The following LUZP2 variants were observed in gnomAD, a reference collection of about 807,000 sequenced individuals.
The protein encoded by LUZP2 is leucine zipper protein 2.
Under a neutral mutation model 51.6 loss-of-function variants are expected in LUZP2, and 52 were observed. That is an observed-to-expected ratio of 1.01 (90% confidence interval 0.81 to 1.27). The LOEUF (loss-of-function observed/expected upper bound fraction) is 1.27, where lower values mean the gene tolerates loss of function less well. LUZP2 is among the 50% of genes most tolerant of loss of function. The pLI is 0.00. For missense variants in LUZP2, 436 were observed against 395.4 expected (o/e 1.10, Z -0.87); for synonymous variants, 154 against 137.3 (o/e 1.12, Z -0.85).
intron 7 of LUZP2, among the ~76,000 whole-genome samples, chr11:24,919,672 A>G (rs1853961786): frequency 6.7e-6 from 1 of 149,544 alleles, no homozygotes; most frequent in African/African-American, 2.4e-5. Context: ...ATACATATAT[A>G]TATAATGATT....
intron 5 of LUZP2, among the ~76,000 whole-genome samples, chr11:24,887,407 A>G (rs1301278234): frequency 2.0e-5 from 3 of 152,184 alleles, no homozygotes; most frequent in Non-Finnish European, 2.9e-5. Context: ...TAATATATAT[A>G]CAAGCACGTG....
At position 24,794,912 on chromosome 11, in the gene LUZP2, T is replaced by C. The variant is rs1346094492; in HGVS notation, c.396+31604T>C. Among the ~76,000 whole-genome samples, 3 of 152,156 alleles carry C rather than the reference T, an allele frequency of 2.0e-5. No individual in the cohort carries two copies. In the East Asian group the frequency reaches 5.8e-4, roughly 29 times the overall value. ...ATTTTAAGAATTATAGGATTTCATG[T>C]GTAAGTGAATTTGAGATCATTTGGC... On this transcript the variant is annotated intron_variant, in intron 5 of 11. Transcript: ENST00000336930.
intron 5 of LUZP2, among the ~76,000 whole-genome samples, chr11:24,856,554 C>A (rs912416349): frequency 6.6e-6 from 1 of 151,932 alleles, no homozygotes; most frequent in Non-Finnish European, 1.5e-5. Context: ...AATTATCATT[C>A]GATCCAGGTA....
chr11:24,935,650 C>T (rs981843739), intron 7 of LUZP2, among the ~76,000 whole-genome samples: 1 of 151,890 alleles, frequency 6.6e-6, no homozygotes, highest in South Asian at 2.1e-4. Context: ...TCTTCTAAAA[C>T]AATTTCATTA....
At chr11:24,818,095 A>G (rs970308675) in intron 5 of LUZP2, among the ~76,000 whole-genome samples, 29 of 152,058 alleles carry the variant, frequency 1.9e-4, no homozygotes, top group African/African-American at 7.0e-4. Context: ...GATTTTTTTA[A>G]AAACAACTTT....
At chr11:24,909,500 GA>G (rs1269298466) in intron 6 of LUZP2, among the ~76,000 whole-genome samples, 94 of 137,160 alleles carry the variant, frequency 6.9e-4, no homozygotes, top group East Asian at 1.9e-3. Flanking sequence ...TATTTTGAGG[GA>G]AAAAAAAAAA....
At chr11:25,002,237 A>G (rs1017495891) in intron 9 of LUZP2, among the ~76,000 whole-genome samples, 1 of 152,216 alleles carries the variant, frequency 6.6e-6, no homozygotes, top group Non-Finnish European at 1.5e-5. Flanking sequence ...ATCACTAACT[A>G]TGGCATAACC....
chr11:24,947,470 C>T (rs1048121708), intron 7 of LUZP2, among the ~76,000 whole-genome samples: 4 of 151,872 alleles, frequency 2.6e-5, no homozygotes, highest in African/African-American at 7.2e-5. Flanking sequence ...AAGTTCAAAC[C>T]AATGTTGTTC....
At chr11:25,003,820 A>G (rs997779471) in intron 9 of LUZP2, among the ~76,000 whole-genome samples, 2 of 152,176 alleles carry the variant, frequency 1.3e-5, no homozygotes, top group African/African-American at 4.8e-5. Context: ...ATATTCATGT[A>G]GATAATAACT....
At chr11:24,686,223 C>CAAAAAAAAAA (rs56907734) in intron 1 of LUZP2, among the ~76,000 whole-genome samples, 1 of 148,318 alleles carries the variant, frequency 6.7e-6, no homozygotes, top group Non-Finnish European at 1.5e-5. Context: ...GTGAACTCTG[C>CAAAAAAAAAA]AAAAAAAAAA....
chr11:24,707,610 G>A (rs1857640788), intron 1 of LUZP2, among the ~76,000 whole-genome samples: 1 of 152,042 alleles, frequency 6.6e-6, no homozygotes, highest in Non-Finnish European at 1.5e-5. Context: ...TGAGTCCAAA[G>A]GCAAGACAAC....
At chr11:24,513,767 A>G (rs1206519466) in intron 1 of LUZP2, among the ~76,000 whole-genome samples, 1 of 152,258 alleles carries the variant, frequency 6.6e-6, no homozygotes, top group Non-Finnish European at 1.5e-5. Context: ...AAATGCTGGT[A>G]GAAATGAATA....
At chr11:24,602,387 TACAC>T (rs71041785) in intron 1 of LUZP2, among the ~76,000 whole-genome samples, 3,088 of 129,510 alleles carry the variant, frequency 0.024, 133 homozygotes, top group African/African-American at 0.084. Context: ...TATATATATA[TACAC>T]ACACACACAC....
chr11:24,558,379 GT>G (rs5790412), intron 1 of LUZP2, among the ~76,000 whole-genome samples: 62,960 of 149,914 alleles, frequency 0.42, 13,640 homozygotes, highest in Middle Eastern at 0.52. Flanking sequence ...AATCTTTTTT[GT>G]TTTTTTTTCA....
intron 5 of LUZP2, among the ~76,000 whole-genome samples, chr11:24,787,112 T>C (rs1849270026): frequency 6.6e-6 from 1 of 152,176 alleles, no homozygotes; most frequent in Non-Finnish European, 1.5e-5. Flanking sequence ...GACCTTATTA[T>C]TTCAACAGCT....
chr11:24,690,854 G>T lies in LUZP2; in HGVS notation c.63-38315G>T, dbSNP rs527543283. Among the ~76,000 whole-genome samples the T allele has an allele frequency of 5.9e-5, 9 of 152,102 alleles. No homozygotes were observed. The East Asian group carries it at 1.2e-3, about 20-fold the overall frequency. On this transcript the variant is annotated intron_variant, in intron 1 of 11. Coordinates refer to ENST00000336930, the MANE Select transcript of LUZP2 (RefSeq NM_001009909.4). Reference sequence around the variant, plus strand: ...AGCCAAAATTTCTCATAGTGGGAGAGAAATAATTTTTGAAAGATACAGAAC... The same window carrying T: ...AGCCAAAATTTCTCATAGTGGGAGATAAATAATTTTTGAAAGATACAGAAC...
intron 1 of LUZP2, among the ~76,000 whole-genome samples, chr11:24,521,900 A>T (rs1181724842): frequency 6.6e-6 from 1 of 152,034 alleles, no homozygotes; most frequent in Non-Finnish European, 1.5e-5. Context: ...GCGAGCATGC[A>T]TTTTTTTCTT....
chr11:24,634,530 C>T (rs1855008382), intron 1 of LUZP2, among the ~76,000 whole-genome samples: 2 of 151,878 alleles, frequency 1.3e-5, no homozygotes, highest in Admixed American at 1.3e-4. Context: ...GATCTCATTC[C>T]CTATTTTTTC....
At chr11:24,570,383 G>A (rs1852393944) in intron 1 of LUZP2, among the ~76,000 whole-genome samples, 1 of 152,038 alleles carries the variant, frequency 6.6e-6, no homozygotes, top group African/African-American at 2.4e-5. Context: ...AATTGAACAT[G>A]TAGTGTTTAC....
Sources: gnomAD v4.1 joint callset for allele counts (sites outside exome capture counted in the v4.1 genomes callset) on GRCh38, gnomAD v4.1.1 for gene constraint, MANE v1.5 for transcripts, NCBI Gene and HGNC (gene_info 2026-07-23, HGNC 2026-07-21) for gene names.